The following KCNU1 variants were observed in gnomAD, a reference collection of about 807,000 sequenced individuals.
KCNU1 encodes the protein potassium channel subfamily U member 1.
A neutral mutation model predicts 126.8 loss-of-function variants in KCNU1; 93 were observed. The ratio of observed to expected loss-of-function variants is 0.73; its 90% CI spans 0.62 to 0.87. The LOEUF is 0.87. Ranked by LOEUF, KCNU1 falls within the 40% of genes least tolerant of loss-of-function variation. The pLI, the probability that KCNU1 is intolerant of heterozygous loss-of-function variation, is 0.00. For missense variants in KCNU1, 1,330 were observed against 1,367.1 expected (o/e 0.97, Z 0.43); for synonymous variants, 523 against 494.2 (o/e 1.06, Z -0.77).
chr8:36,820,140 C>T (rs1340335560), intron 10 of KCNU1, among the ~76,000 whole-genome samples: 1 of 152,100 alleles, frequency 6.6e-6, no homozygotes, highest in Non-Finnish European at 1.5e-5. Context: ...GATGAATGTA[C>T]CTACGTGGAT....
chr8:36,822,886 G>C (rs1240454805), intron 10 of KCNU1, among the ~76,000 whole-genome samples: 1 of 152,134 alleles, frequency 6.6e-6, no homozygotes, highest in African/African-American at 2.4e-5. Context: ...GACTGCATGT[G>C]TCTTATACAT....
intron 16 of KCNU1, 136 bp downstream of exon 16, chr8:36,841,139 G>T (rs1804943202): frequency 6.1e-6 from 4 of 656,006 alleles, no homozygotes; most frequent in Non-Finnish European, 1.1e-5. Flanking sequence ...TGGCTGAGAG[G>T]CAGCCTCTGG....
chr8:36,808,619 C>A, intron 6 of KCNU1, 99 bp from the exon 7 acceptor site: 1 of 745,356 alleles, frequency 1.3e-6, no homozygotes, highest in Non-Finnish European at 2.3e-6. Flanking sequence ...CCTTCTGGTC[C>A]ATGAGCCACA....
intron 10 of KCNU1, among the ~76,000 whole-genome samples, chr8:36,818,926 T>C (rs939950834): frequency 6.6e-6 from 1 of 152,146 alleles, no homozygotes; most frequent in Non-Finnish European, 1.5e-5. Flanking sequence ...AATCTTTTGT[T>C]AGAAAACAGT....
intron 2 of KCNU1, among the ~76,000 whole-genome samples, chr8:36,791,560 TC>T (rs1370633176): frequency 6.6e-6 from 1 of 152,172 alleles, no homozygotes; most frequent in African/African-American, 2.4e-5. Flanking sequence ...GAATGTGTAA[TC>T]CTCTCTGTAG....
In KCNU1 at chr8:36,813,341, C is replaced by T. The variant is rs187203614; in HGVS notation, c.733-866C>T. 2.0e-5 allele frequency among the ~76,000 whole-genome samples: 3 copies of T among 152,006 alleles called. No homozygotes were observed. The East Asian group carries it at 5.8e-4, about 29-fold the overall frequency. ...AAAACAAAACAAAAAGCCCACTTCC[C>T]CCAGTCAGACATCTCTAAGATTTTA... is the stretch of plus-strand genomic sequence containing the variant. On this transcript the variant is annotated intron_variant, in intron 7 of 26. Transcript: ENST00000399881.
At position 36,836,661 on chromosome 8, in the gene KCNU1, A is replaced by G. The variant is rs188043676; in HGVS notation, c.1366-132A>G. 4.2e-4 allele frequency: 327 copies of G among 782,070 alleles called. No homozygotes were observed. In the African/African-American group the frequency reaches 5.2e-3, roughly 12 times the overall value. The allele number at this position is 782,070 out of a possible 1,614,324, so 48.4% of individuals were successfully genotyped here. A position where few individuals can be genotyped will look rare whatever the true frequency, so the allele number is the denominator to read the frequency against. ...TCTTATCATTTTCATTGACCTGGGC[A>G]CCACTTTTGTGTGCAAAAATGAAGA... On this transcript the variant is annotated intron_variant, in intron 13 of 26. Coordinates refer to ENST00000399881, the MANE Select transcript of KCNU1 (RefSeq NM_001031836.3).
intron 22 of KCNU1, among the ~76,000 whole-genome samples, chr8:36,914,475 C>T (rs1257849816): frequency 6.6e-6 from 1 of 152,130 alleles, no homozygotes. Context: ...CTGGTGAGGC[C>T]TTTGAGGGAT....
chr8:36,922,432 ACTT>A lies in KCNU1; in HGVS notation c.2597-54_2597-52del, dbSNP rs140009188. On this transcript the variant is annotated intron_variant, in intron 23 of 26. Coordinates refer to ENST00000399881, the MANE Select transcript of KCNU1 (RefSeq NM_001031836.3). Reference sequence around the variant, plus strand: ...TCGCCCCTTGGCCTGCATGGATGGCACTTCTTATATTCTTAACCTGATCTGCTT... The same window carrying A: ...TCGCCCCTTGGCCTGCATGGATGGCACTTATATTCTTAACCTGATCTGCTT... 2,824 of 1,551,090 alleles carry A rather than the reference ACTT, an allele frequency of 1.8e-3. 36 individuals are homozygous for A. In the African/African-American group the frequency reaches 0.033, roughly 18 times the overall value.
intron 10 of KCNU1, among the ~76,000 whole-genome samples, chr8:36,828,787 T>C (rs1327323473): frequency 6.6e-6 from 1 of 152,156 alleles, no homozygotes; most frequent in Non-Finnish European, 1.5e-5. Flanking sequence ...TACGTGTGTG[T>C]GCTTAATAGT....
At chr8:36,918,253 T>C (rs1370381286) in intron 22 of KCNU1, among the ~76,000 whole-genome samples, 1 of 151,948 alleles carries the variant, frequency 6.6e-6, no homozygotes, top group Non-Finnish European at 1.5e-5. Context: ...TGAGAAAGAA[T>C]AGACATAGCC....
At chr8:36,811,310 A>G (rs1255409952) in intron 7 of KCNU1, among the ~76,000 whole-genome samples, 1 of 152,160 alleles carries the variant, frequency 6.6e-6, no homozygotes, top group Middle Eastern at 3.2e-3. Context: ...ATTCAAAATT[A>G]TTAATTCTAA....
Position 36,842,744 on chromosome 8 carries a change from C to T in KCNU1, c.1703+1741C>T, listed in dbSNP as rs568860303. ...GGAGTGCAATGGCACAATTTCGGCT[C>T]ACTGCAACCTCCGCCTCCCAGGTTC... is the stretch of plus-strand genomic sequence containing the variant. On this transcript the variant is annotated intron_variant, in intron 16 of 26. Coordinates refer to ENST00000399881, the MANE Select transcript of KCNU1 (RefSeq NM_001031836.3). Among the ~76,000 whole-genome samples, 105 of 152,330 alleles carry T rather than the reference C, an allele frequency of 6.9e-4. 1 individual carries two copies. The highest frequency in any genetic ancestry group is 2.5e-3 in the African/African-American group (103 of 41,584).
At position 36,806,324 on chromosome 8, in the gene KCNU1, A is replaced by G. The variant is rs755783389; in HGVS notation, c.524A>G (p.Asp175Gly). ...KFWLEMNSIVDIFTIPPTFIS... is the reference protein window; with the variant it reads ...KFWLEMNSIVGIFTIPPTFIS... The stretch of plus-strand genomic sequence containing the variant: ...TGGCTGGAGATGAATTCAATCGTAG[A>G]CATCTTTACCATCCCACCAACCTTT... Residue 175 changes from aspartate (D) to glycine (G), a missense_variant, in exon 5 of 27, where the codon GAC (aspartate) becomes GGC (glycine). This residue lies in a region of KCNU1 where 247 missense variants were observed against 255.4 expected (regional missense o/e 0.97). Transcript: ENST00000399881. 26 of 1,611,880 alleles carry G rather than the reference A, an allele frequency of 1.6e-5. No homozygotes were observed. Among genetic ancestry groups the G allele is most frequent in the South Asian group, 2.2e-5 (2 of 90,704 alleles).
At chr8:36,842,501 A>T (rs1036288178) in intron 16 of KCNU1, among the ~76,000 whole-genome samples, 3 of 152,318 alleles carry the variant, frequency 2.0e-5, no homozygotes, top group Admixed American at 6.5e-5. Flanking sequence ...GAATGTAAAC[A>T]TCTGCATAAA....
chr8:36,849,391 C>G (rs934268078), intron 18 of KCNU1, among the ~76,000 whole-genome samples: 6 of 151,944 alleles, frequency 3.9e-5, no homozygotes, highest in Non-Finnish European at 4.4e-5. Context: ...GAGTTTGAGA[C>G]CAGCCTGGCC....
At chr8:36,800,425 A>G (rs948638848) in intron 2 of KCNU1, among the ~76,000 whole-genome samples, 3 of 152,136 alleles carry the variant, frequency 2.0e-5, no homozygotes, top group Non-Finnish European at 4.4e-5. Context: ...CTCTACAAAC[A>G]AGGCTCTGTC....
At chr8:36,872,630 T>C (rs974016075) in intron 19 of KCNU1, among the ~76,000 whole-genome samples, 1 of 152,152 alleles carries the variant, frequency 6.6e-6, no homozygotes, top group African/African-American at 2.4e-5. Context: ...TTCCCAGCAT[T>C]GAGTAGTAAG....
intron 19 of KCNU1, among the ~76,000 whole-genome samples, chr8:36,895,859 T>C (rs1807169046): frequency 6.6e-6 from 1 of 152,050 alleles, no homozygotes; most frequent in African/African-American, 2.4e-5. Context: ...AAAAGGCAAA[T>C]ATCAAAAGAA....
Sources: allele counts gnomAD v4.1 joint callset (sites outside exome capture counted in the v4.1 genomes callset), GRCh38; gene constraint gnomAD v4.1.1; regional missense constraint gnomAD v4.1.1; transcripts MANE v1.5; gene names NCBI Gene and HGNC (gene_info 2026-07-23, HGNC 2026-07-21).